The following TASP1 variants were observed in gnomAD, a reference collection of about 807,000 sequenced individuals.
TASP1 encodes threonine aspartase 1.
TASP1 carries 16 observed loss-of-function variants against 56.6 expected under a neutral mutation model. That is an observed-to-expected ratio of 0.28 (90% CI 0.19 to 0.43). TASP1 has a LOEUF of 0.43. TASP1 is among the 20% of genes least tolerant of loss of function. The pLI, the probability that TASP1 is intolerant of heterozygous loss-of-function variation, is 1.00. For synonymous variants in TASP1, 179 were observed against 184.2 expected (o/e 0.97, Z 0.23); for missense variants, 393 against 511.6 (o/e 0.77, Z 2.24).
the TASP1 span, among the ~76,000 whole-genome samples, chr20:13,333,345 A>T: frequency 1.3e-5 from 2 of 152,208 alleles, no homozygotes; most frequent in Non-Finnish European, 2.9e-5. Flanking sequence ...ATTTAAAGCA[A>T]ATGTGTCAGA....
chr20:13,269,934 AGGATGGATGGAT>A, the TASP1 span, among the ~76,000 whole-genome samples: 6 of 149,798 alleles, frequency 4.0e-5, no homozygotes, highest in Non-Finnish European at 7.4e-5. Context: ...TGTGGGTGGA[AGGATGGATGGAT>A]GGATGGATGG....
At chr20:13,279,186 G>A in the TASP1 span, among the ~76,000 whole-genome samples, 1 of 152,098 alleles carries the variant, frequency 6.6e-6, no homozygotes, top group Non-Finnish European at 1.5e-5. Flanking sequence ...CAGAGTTTGT[G>A]TTCATAAATG....
chr20:13,175,938 T>C, the TASP1 span, among the ~76,000 whole-genome samples: 1 of 152,090 alleles, frequency 6.6e-6, no homozygotes, highest in Non-Finnish European at 1.5e-5. Context: ...GTGTTAATGA[T>C]TAAAGATATA....
chr20:13,328,929 T>G, the TASP1 span, among the ~76,000 whole-genome samples: 65 of 152,276 alleles, frequency 4.3e-4, no homozygotes, highest in African/African-American at 1.4e-3. Flanking sequence ...AATCTGCACA[T>G]CCTGCACATG....
chr20:13,122,312 T>C, the TASP1 span, among the ~76,000 whole-genome samples: 45,493 of 152,144 alleles, frequency 0.3, 6,988 homozygotes, highest in Admixed American at 0.34. Flanking sequence ...CAATCTGTGA[T>C]TTAGTACCAT....
chr20:13,221,958 G>C, the TASP1 span: 1 of 1,304,538 alleles, frequency 7.7e-7, no homozygotes, highest in Non-Finnish European at 9.7e-7. Context: ...TGCGGGGACG[G>C]TTTGTGGGGC....
At chr20:13,427,085 G>A (rs6079063) in intron 12 of TASP1, among the ~76,000 whole-genome samples, 79,104 of 152,044 alleles carry the variant, frequency 0.52, 22,657 homozygotes, top group Non-Finnish European at 0.65. Context: ...TGCTCACTGT[G>A]GCATGTGCCA....
chr20:13,311,247 A>AGATAGAT, the TASP1 span, among the ~76,000 whole-genome samples: 733 of 116,198 alleles, frequency 6.3e-3, 3 homozygotes, highest in African/African-American at 0.013. Flanking sequence ...GATAGATGAT[A>AGATAGAT]GATAGATAGA....
At chr20:13,516,280 A>C (rs1056297647) in intron 10 of TASP1, among the ~76,000 whole-genome samples, 1 of 152,134 alleles carries the variant, frequency 6.6e-6, no homozygotes, top group African/African-American at 2.4e-5. Context: ...ATGAAGCAGC[A>C]TGTCACAAAG....
chr20:13,231,844 A>G, the TASP1 span, among the ~76,000 whole-genome samples: 5,396 of 152,258 alleles, frequency 0.035, 272 homozygotes, highest in African/African-American at 0.11. Flanking sequence ...CCAATCACCA[A>G]ATATTCAAGA....
the TASP1 span, among the ~76,000 whole-genome samples, chr20:13,127,394 C>A: frequency 2.0e-5 from 3 of 152,220 alleles, no homozygotes; most frequent in Non-Finnish European, 4.4e-5. Flanking sequence ...GCCAGGCAAA[C>A]TGGTGAGCAC....
the TASP1 span, among the ~76,000 whole-genome samples, chr20:13,200,870 T>C: frequency 5.9e-5 from 9 of 152,224 alleles, 1 homozygote; most frequent in Admixed American, 5.9e-4. Flanking sequence ...AAAGAGGCTA[T>C]TATGCCGAGG....
At chr20:13,221,586 C>T in the TASP1 span, among the ~76,000 whole-genome samples, 4 of 145,754 alleles carry the variant, frequency 2.7e-5, no homozygotes, top group Non-Finnish European at 4.6e-5. Context: ...GCCGGCAGCT[C>T]CTGCTCCCCC....
At chr20:13,592,133 G>T (rs141034716) in intron 4 of TASP1, among the ~76,000 whole-genome samples, 5 of 151,996 alleles carry the variant, frequency 3.3e-5, no homozygotes, top group Admixed American at 2.6e-4. Context: ...GCACAGTGGC[G>T]CACACCTGTA....
intron 13 of TASP1, among the ~76,000 whole-genome samples, chr20:13,416,871 T>C (rs947491873): frequency 1.1e-4 from 16 of 152,316 alleles, no homozygotes; most frequent in Admixed American, 3.3e-4. Context: ...TATGTGATTA[T>C]TGCAACTCAC....
At chr20:13,188,114 T>G in the TASP1 span, among the ~76,000 whole-genome samples, 158 of 152,188 alleles carry the variant, frequency 1.0e-3, no homozygotes, top group Non-Finnish European at 1.9e-3. Flanking sequence ...GGAGGAAAAA[T>G]TGAAAGCCTT....
chr20:13,544,384 T>A (rs754828108), intron 8 of TASP1, among the ~76,000 whole-genome samples: 7 of 152,216 alleles, frequency 4.6e-5, no homozygotes, highest in Non-Finnish European at 1.0e-4. Flanking sequence ...TCTAACTTTG[T>A]TTTTCCCACT....
the TASP1 span, among the ~76,000 whole-genome samples, chr20:13,357,615 A>AT: frequency 1.3e-5 from 2 of 152,184 alleles, no homozygotes; most frequent in African/African-American, 4.8e-5. Context: ...ATACACGTAA[A>AT]ATACCATATA....
At chr20:13,378,229 C>CACTG in the TASP1 span, among the ~76,000 whole-genome samples, 2 of 152,166 alleles carry the variant, frequency 1.3e-5, no homozygotes, top group Admixed American at 6.5e-5. Flanking sequence ...AAATTTCCCT[C>CACTG]TTAACACTGC....
Sources: allele counts gnomAD v4.1 joint callset (sites outside exome capture counted in the v4.1 genomes callset), GRCh38; gene constraint gnomAD v4.1.1; transcripts MANE v1.5; gene names NCBI Gene and HGNC (gene_info 2026-07-23, HGNC 2026-07-21).